UBLCP1: variants seen among roughly 807,000 people sequenced by gnomAD.
The protein encoded by UBLCP1 is ubiquitin-like domain-containing CTD phosphatase 1.
UBLCP1 carries 28 observed loss-of-function variants against 42.4 expected under a neutral mutation model. The ratio of observed to expected loss-of-function variants is 0.66; its 90% CI spans 0.49 to 0.90. The LOEUF (loss-of-function observed/expected upper bound fraction) is 0.90. Ranked by LOEUF, UBLCP1 falls within the 40% of genes least tolerant of loss-of-function variation. The probability of loss-of-function intolerance (pLI) is 0.00; values close to 1 mark genes in which losing one functional copy is unlikely to be tolerated. For synonymous variants in UBLCP1, 122 were observed against 120.8 expected, an observed-to-expected ratio of 1.01 and a Z score of -0.07; for missense variants, 279 against 374.5, an observed-to-expected ratio of 0.75 and a Z score of 2.10.
chr5:159,271,925 G>C, intron 5 of UBLCP1, 98 bp from the exon 6 acceptor site: 1 of 790,456 alleles, frequency 1.3e-6, no homozygotes, highest in South Asian at 1.9e-5. Flanking sequence ...AAATGTTTAT[G>C]TTTGCATTTC....
chr5:159,284,752 G>A (rs969443849), intron 10 of UBLCP1, 152 bp from the exon 11 acceptor site: 2 of 758,042 alleles, frequency 2.6e-6, no homozygotes, highest in South Asian at 1.4e-5. Flanking sequence ...TTAGAACTGT[G>A]CGTGCACATA....
At chr5:159,266,135 A>C (rs1239224472) in intron 1 of UBLCP1, among the ~76,000 whole-genome samples, 6 of 152,234 alleles carry the variant, frequency 3.9e-5, no homozygotes, top group Non-Finnish European at 8.8e-5. Flanking sequence ...GCTCAGAAGA[A>C]GACAGGAAAA....
intron 5 of UBLCP1, among the ~76,000 whole-genome samples, chr5:159,271,679 A>T (rs888273719): frequency 6.6e-6 from 1 of 152,232 alleles, no homozygotes; most frequent in South Asian, 2.1e-4. Flanking sequence ...AGATGACTAA[A>T]GGTGAGTATA....
At chr5:159,280,628 A>G (rs1753597031) in intron 9 of UBLCP1, among the ~76,000 whole-genome samples, 1 of 152,232 alleles carries the variant, frequency 6.6e-6, no homozygotes, top group Admixed American at 6.5e-5. Context: ...ATGGAGAAAT[A>G]TCCTCAAATG....
At chr5:159,270,124 G>A (rs1252826298) in intron 3 of UBLCP1, 125 bp downstream of exon 3, 6 of 820,128 alleles carry the variant, frequency 7.3e-6, no homozygotes, top group Admixed American at 3.0e-5. Context: ...AATAAAACCC[G>A]CACCGTGAAT....
intron 2 of UBLCP1, among the ~76,000 whole-genome samples, chr5:159,269,511 A>C (rs1300623101): frequency 2.0e-5 from 3 of 152,156 alleles, no homozygotes; most frequent in Non-Finnish European, 4.4e-5. Context: ...GATTTTTTTT[A>C]TGGTGTTTTG....
rs1354914789 is a variant in UBLCP1 at position 159,270,612 on chromosome 5, T to G, written c.417T>G (p.Leu139=). 1 of 1,609,280 alleles carries G rather than the reference T, an allele frequency of 6.2e-7. No homozygotes were observed. The highest frequency in any genetic ancestry group is 8.5e-7 in the Non-Finnish European group (1 of 1,178,554). The change falls in exon 5 of 11, where the codon CTT becomes CTG. Residue 139 remains leucine, a synonymous_variant. Coordinates refer to ENST00000296786, the MANE Select transcript of UBLCP1 (RefSeq NM_145049.5). ...ILNPPREGKK[L]LVLDVDYTLF... ...ATCCTCCCAGGGAAGGGAAAAAGCTTTTGGTGCTAGATGTTGATTATACAT... is the reference window on the plus strand; with the variant it reads ...ATCCTCCCAGGGAAGGGAAAAAGCTGTTGGTGCTAGATGTTGATTATACAT...
At chr5:159,273,535 A>G (rs559077654) in intron 6 of UBLCP1, among the ~76,000 whole-genome samples, 2 of 152,320 alleles carry the variant, frequency 1.3e-5, no homozygotes, top group South Asian at 4.1e-4. Flanking sequence ...TTGTAAGAAT[A>G]GAAGTATCAA....
At chr5:159,274,406 C>A in intron 6 of UBLCP1, 179 bp from the exon 7 acceptor site, 1 of 501,726 alleles carries the variant, frequency 2.0e-6, no homozygotes, top group South Asian at 3.3e-5. Flanking sequence ...CTTGAAGACA[C>A]ACTGCAGTAA....
chr5:159,268,580 C>T (rs938042654), intron 1 of UBLCP1, among the ~76,000 whole-genome samples: 65 of 152,314 alleles, frequency 4.3e-4, no homozygotes, highest in Non-Finnish European at 4.4e-5. Context: ...TAGCATCAAC[C>T]TGACCAAATA....
chr5:159,284,557 G>C (rs1338644579), intron 10 of UBLCP1, among the ~76,000 whole-genome samples: 1 of 152,154 alleles, frequency 6.6e-6, no homozygotes, highest in Non-Finnish European at 1.5e-5. Context: ...TTGGAAGTAA[G>C]GCAGTATGGA....
chr5:159,284,273 T>C (rs1021268780), intron 10 of UBLCP1, among the ~76,000 whole-genome samples: 3 of 152,160 alleles, frequency 2.0e-5, no homozygotes, highest in Non-Finnish European at 2.9e-5. Context: ...CCAAGTTTGC[T>C]GATTTTAGGA....
chr5:159,271,107 G>C (rs1753460320), intron 5 of UBLCP1, among the ~76,000 whole-genome samples: 1 of 151,866 alleles, frequency 6.6e-6, no homozygotes, highest in South Asian at 2.1e-4. Context: ...TAAAAATTAT[G>C]TTTGATATTT....
chr5:159,276,586 C>T (rs1435032965), intron 8 of UBLCP1, among the ~76,000 whole-genome samples: 2 of 152,098 alleles, frequency 1.3e-5, no homozygotes, highest in East Asian at 3.8e-4. Context: ...TCCTCAATAT[C>T]CAGCAATAGG....
Position 159,284,919 on chromosome 5 carries a change from G to T in UBLCP1, c.945G>T (p.Lys315Asn). The stretch of plus-strand genomic sequence containing the variant: ...TTTCTTGCAGATATCTCTCAAAGAA[G>T]CAAGGACAGTAGTTACAAGTTATAC... ...HKYWERYLSK[K>N]QGQ Residue 315 changes from lysine (K) to asparagine (N), a missense_variant, in exon 11 of 11, where the codon AAG (lysine) becomes AAT (asparagine). Transcript: ENST00000296786. 1 of 1,613,072 alleles carries T rather than the reference G, an allele frequency of 6.2e-7. No individual in the cohort carries two copies. Among genetic ancestry groups the T allele is most frequent in the Non-Finnish European group, 8.5e-7 (1 of 1,179,440 alleles).
intron 1 of UBLCP1, among the ~76,000 whole-genome samples, chr5:159,264,371 T>G (rs1412800264): frequency 1.3e-5 from 2 of 152,240 alleles, no homozygotes; most frequent in Non-Finnish European, 2.9e-5. Flanking sequence ...AGGTTAAATG[T>G]GAAAGCAAAA....
At chr5:159,283,522 C>T (rs1303716534) in intron 10 of UBLCP1, among the ~76,000 whole-genome samples, 183 bp downstream of exon 10, 1 of 152,058 alleles carries the variant, frequency 6.6e-6, no homozygotes, top group Non-Finnish European at 1.5e-5. Context: ...ATCTTAACCT[C>T]TAACTTGTTC....
At chr5:159,284,870 T>G (rs759206555) in intron 10 of UBLCP1, 34 bp from the exon 11 acceptor site, 2 of 1,611,484 alleles carry the variant, frequency 1.2e-6, no homozygotes, top group Non-Finnish European at 1.7e-6. Flanking sequence ...TTTAGCATGA[T>G]ACAGCTTTGA....
chr5:159,274,258 G>C, intron 6 of UBLCP1: 1 of 198,794 alleles, frequency 5.0e-6, no homozygotes, highest in East Asian at 1.2e-4. Context: ...CCAAGTTTAA[G>C]TTTGGAATTG....
Sources: allele counts gnomAD v4.1 joint callset (sites outside exome capture counted in the v4.1 genomes callset), GRCh38; gene constraint gnomAD v4.1.1; transcripts MANE v1.5; gene names NCBI Gene and HGNC (gene_info 2026-07-23, HGNC 2026-07-21).